The following UBE2Q2 variants were observed in gnomAD, a reference collection of about 807,000 sequenced individuals.
The protein encoded by UBE2Q2 is ubiquitin conjugating enzyme E2 Q2, also known as ubiquitin-conjugating enzyme E2 Q2.
In UBE2Q2, 54 loss-of-function variants were observed where a neutral mutation model predicts 59.9. The observed-to-expected ratio is 0.90, with a 90% CI of 0.72 to 1.13. The LOEUF (loss-of-function observed/expected upper bound fraction) is 1.13. Ranked by LOEUF, UBE2Q2 falls within the 50% of genes most tolerant of loss-of-function variation. The pLI, the probability that UBE2Q2 is intolerant of heterozygous loss-of-function variation, is 0.00. For missense variants in UBE2Q2, 433 were observed against 441.9 expected, an observed-to-expected ratio of 0.98 and a Z score of 0.18; for synonymous variants, 165 against 155.2, an observed-to-expected ratio of 1.06 and a Z score of -0.47.
Position 75,873,471 on chromosome 15 carries a change from C to G in UBE2Q2, c.491C>G (p.Pro164Arg), listed in dbSNP as rs371805905. ...CACTATGAGATGAAGGAAGAAGAGC[C>G]TATTAGTGGGAAAAAGTCAGAGGAT... ...LDHYEMKEEE[P>R]ISGKKSEDEG... The change falls in exon 5 of 13, where the codon CCT becomes CGT. Residue 164 changes from proline to arginine, a missense_variant. Coordinates refer to ENST00000267938, the MANE Select transcript of UBE2Q2 (RefSeq NM_173469.4). 6.4e-5 allele frequency: 104 copies of G among 1,613,120 alleles called. No homozygotes were observed. Among genetic ancestry groups the G allele is most frequent in the Non-Finnish European group, 8.4e-5 (99 of 1,179,836 alleles).
At chr15:75,844,894 T>G (rs1198921758) in intron 1 of UBE2Q2, among the ~76,000 whole-genome samples, 5 of 152,096 alleles carry the variant, frequency 3.3e-5, no homozygotes, top group Non-Finnish European at 7.4e-5. Context: ...TGGCTGGCGT[T>G]TGCAAAAACC....
intron 9 of UBE2Q2, among the ~76,000 whole-genome samples, chr15:75,885,936 A>G (rs1201423549): frequency 2.0e-5 from 3 of 152,216 alleles, no homozygotes; most frequent in Non-Finnish European, 4.4e-5. Context: ...TAACCCAGCC[A>G]AATATTTACA....
intron 3 of UBE2Q2, among the ~76,000 whole-genome samples, chr15:75,867,703 A>G (rs533876138): frequency 7.2e-5 from 11 of 152,206 alleles, no homozygotes; most frequent in Non-Finnish European, 1.5e-4. Context: ...TGATGGTGAC[A>G]GACCCAGATG....
chr15:75,856,592 A>C (rs756251796), intron 2 of UBE2Q2, among the ~76,000 whole-genome samples: 2 of 152,044 alleles, frequency 1.3e-5, no homozygotes, highest in Non-Finnish European at 2.9e-5. Context: ...TTGAGTCTCA[A>C]CTCTGATTTT....
chr15:75,860,021 A>T, intron 3 of UBE2Q2, 39 bp downstream of exon 3: 1 of 1,428,282 alleles, frequency 7.0e-7, no homozygotes, highest in African/African-American at 1.4e-5. Context: ...AGCTAAATAA[A>T]TTGTCTCAAG....
At chr15:75,849,398 A>C (rs947202072) in intron 1 of UBE2Q2, among the ~76,000 whole-genome samples, 1 of 152,208 alleles carries the variant, frequency 6.6e-6, no homozygotes, top group Admixed American at 6.5e-5. Flanking sequence ...GCTGTGTCCT[A>C]CATTTGGAAA....
At chr15:75,858,099 C>T (rs1897010617) in intron 2 of UBE2Q2, among the ~76,000 whole-genome samples, 1 of 152,146 alleles carries the variant, frequency 6.6e-6, no homozygotes, top group South Asian at 2.1e-4. Flanking sequence ...CCTTGGTCTC[C>T]TCTGATCTCT....
intron 2 of UBE2Q2, among the ~76,000 whole-genome samples, chr15:75,858,764 A>T (rs1897056773): frequency 6.6e-6 from 1 of 152,184 alleles, no homozygotes; most frequent in Non-Finnish European, 1.5e-5. Flanking sequence ...CATCTTCATT[A>T]TGCACTTAGC....
chr15:75,874,717 T>C (rs1298559139), intron 5 of UBE2Q2, among the ~76,000 whole-genome samples: 1 of 152,196 alleles, frequency 6.6e-6, no homozygotes, highest in East Asian at 1.9e-4. Flanking sequence ...TTTTGGATGA[T>C]TGCTATCAAA....
At chr15:75,848,605 T>C (rs539510445) in intron 1 of UBE2Q2, among the ~76,000 whole-genome samples, 4 of 152,328 alleles carry the variant, frequency 2.6e-5, no homozygotes, top group East Asian at 1.9e-4. Flanking sequence ...GGAACAGATA[T>C]ATGAAGAGAA....
chr15:75,859,144 G>C (rs1370421502), intron 2 of UBE2Q2, among the ~76,000 whole-genome samples: 1 of 152,146 alleles, frequency 6.6e-6, no homozygotes, highest in African/African-American at 2.4e-5. Flanking sequence ...TTGCTTACTT[G>C]TTGAAAGCAA....
intron 5 of UBE2Q2, among the ~76,000 whole-genome samples, chr15:75,875,840 C>T (rs1346815057): frequency 2.6e-5 from 4 of 151,580 alleles, no homozygotes; most frequent in Non-Finnish European, 2.9e-5. Context: ...GGCAGGCAGA[C>T]CACGAGGTCA....
chr15:75,882,768 A>G (rs1439867061), intron 8 of UBE2Q2, among the ~76,000 whole-genome samples: 3 of 152,168 alleles, frequency 2.0e-5, no homozygotes, highest in African/African-American at 4.8e-5. Context: ...AAATGAGATG[A>G]TTAAAGCTGG....
At chr15:75,884,917 T>C (rs971835876) in intron 9 of UBE2Q2, among the ~76,000 whole-genome samples, 1 of 152,230 alleles carries the variant, frequency 6.6e-6, no homozygotes, top group Non-Finnish European at 1.5e-5. Flanking sequence ...TGCAAAGTAC[T>C]GGGATTACAA....
chr15:75,849,974 A>G (rs1463163624), intron 1 of UBE2Q2, among the ~76,000 whole-genome samples: 1 of 152,246 alleles, frequency 6.6e-6, no homozygotes. Context: ...CAAGATAGAT[A>G]TAAAGCTTAG....
intron 2 of UBE2Q2, among the ~76,000 whole-genome samples, chr15:75,859,410 T>C (rs1458243958): frequency 1.3e-5 from 2 of 152,196 alleles, no homozygotes; most frequent in Non-Finnish European, 2.9e-5. Flanking sequence ...CTACTAGATA[T>C]TTGCTTCTGT....
intron 11 of UBE2Q2, among the ~76,000 whole-genome samples, chr15:75,892,597 C>T (rs1332478669): frequency 2.6e-5 from 4 of 152,090 alleles, no homozygotes; most frequent in African/African-American, 4.8e-5. Context: ...TGGTGGCTCA[C>T]GCCTGTAATC....
Position 75,876,215 on chromosome 15 carries a change from C to T in UBE2Q2, c.617C>T (p.Ser206Leu). The part of the protein sequence containing the change: ...NGAVSGSVQA[S>L]DRLMKELRDI... ...GCAGTGTCTGGGTCAGTGCAAGCTTCAGATAGACTTATGAAAGAGCTCAGG... is the reference window on the plus strand; with the variant it reads ...GCAGTGTCTGGGTCAGTGCAAGCTTTAGATAGACTTATGAAAGAGCTCAGG... Residue 206 changes from serine to leucine, a missense_variant, in exon 6 of 13, where the codon TCA becomes TTA. Ser to Leu is a moderately radical substitution (Grantham distance 145). Transcript: ENST00000267938. The T allele has an allele frequency of 6.2e-7, 1 of 1,614,016 alleles. No homozygotes were observed. Among genetic ancestry groups the T allele is most frequent in the Non-Finnish European group, 8.5e-7 (1 of 1,179,944 alleles).
intron 9 of UBE2Q2, among the ~76,000 whole-genome samples, chr15:75,886,011 A>G (rs7175758): frequency 0.93 from 141,299 of 152,244 alleles, 66,065 homozygotes; most frequent in East Asian, 1. Flanking sequence ...TGACACCACC[A>G]GTCTTTTACT....
Sources: gnomAD v4.1 joint callset for allele counts (sites outside exome capture counted in the v4.1 genomes callset) on GRCh38, gnomAD v4.1.1 for gene constraint, MANE v1.5 for transcripts, NCBI Gene and HGNC (gene_info 2026-07-23, HGNC 2026-07-21) for gene names.